ARFGEF1: variants seen among roughly 807,000 people sequenced by gnomAD.
The protein encoded by ARFGEF1 is brefeldin A-inhibited guanine nucleotide-exchange protein 1.
A neutral mutation model predicts 231.0 loss-of-function variants in ARFGEF1; 42 were observed. The observed-to-expected ratio is 0.18, with a 90% CI of 0.14 to 0.24. The LOEUF is 0.24. Among genes scored for constraint, ARFGEF1 ranks in the 10% least tolerant of loss-of-function variants. The probability of loss-of-function intolerance (pLI) is 1.00; values close to 1 mark genes in which losing one functional copy is unlikely to be tolerated. For missense variants in ARFGEF1, 1,345 were observed against 2,192.0 expected, an observed-to-expected ratio of 0.61 and a Z score of 7.72; for synonymous variants, 710 against 732.3, an observed-to-expected ratio of 0.97 and a Z score of 0.49.
intron 1 of ARFGEF1, among the ~76,000 whole-genome samples, chr8:67,306,994 G>A (rs1045658443): frequency 2.0e-5 from 3 of 152,192 alleles, no homozygotes; most frequent in Non-Finnish European, 4.4e-5. Flanking sequence ...GGCCAGGCTG[G>A]TCTCGAACTC....
intron 22 of ARFGEF1, among the ~76,000 whole-genome samples, chr8:67,235,927 G>A (rs1839717318): frequency 6.6e-6 from 1 of 151,834 alleles, no homozygotes; most frequent in African/African-American, 2.4e-5. Context: ...CTATCAGTCA[G>A]AAAGTATGAT....
At chr8:67,339,713 G>T (rs1381074366) in intron 1 of ARFGEF1, among the ~76,000 whole-genome samples, 1 of 137,846 alleles carries the variant, frequency 7.3e-6, no homozygotes, top group Non-Finnish European at 1.5e-5. Flanking sequence ...CTGTAGTAGG[G>T]CAGGTACCAA....
intron 1 of ARFGEF1, among the ~76,000 whole-genome samples, chr8:67,324,799 G>T (rs189795198): frequency 7.8e-4 from 119 of 152,022 alleles, no homozygotes; most frequent in Middle Eastern, 3.4e-3. Flanking sequence ...AAATAGTGAA[G>T]ACTAAAAAGT....
chr8:67,225,302 T>C (rs1481014693), intron 28 of ARFGEF1, among the ~76,000 whole-genome samples: 1 of 152,188 alleles, frequency 6.6e-6, no homozygotes. Context: ...TCTGCATTAT[T>C]AGCCAGGTTA....
chr8:67,236,035 C>G (rs1185196493), intron 22 of ARFGEF1, among the ~76,000 whole-genome samples: 1 of 151,864 alleles, frequency 6.6e-6, no homozygotes, highest in Non-Finnish European at 1.5e-5. Flanking sequence ...TAGCTCACAC[C>G]TGTAATCCCA....
intron 5 of ARFGEF1, among the ~76,000 whole-genome samples, chr8:67,178,070 G>T (rs1456462930): frequency 6.6e-6 from 1 of 152,140 alleles, no homozygotes; most frequent in African/African-American, 2.4e-5. Context: ...TTAGAGACAG[G>T]CCTGGCATAT....
At chr8:67,212,009 A>C (rs1374906961) in intron 33 of ARFGEF1, among the ~76,000 whole-genome samples, 7 of 152,192 alleles carry the variant, frequency 4.6e-5, no homozygotes, top group African/African-American at 1.7e-4. Context: ...ACTATCTAGG[A>C]GTGTCGTATC....
downstream of ARFGEF1, chr8:67,196,240 AAATT>A (rs1220907003): frequency 2.0e-5 from 3 of 152,210 alleles, no homozygotes; most frequent in East Asian, 3.8e-4. Context: ...TGATATAAAT[AAATT>A]TTTATTTTAA....
chr8:67,289,760 A>G (rs1463379235), intron 6 of ARFGEF1, among the ~76,000 whole-genome samples: 2 of 152,152 alleles, frequency 1.3e-5, no homozygotes, highest in Non-Finnish European at 2.9e-5. Flanking sequence ...ATCCAAATAA[A>G]AATAGCATTT....
chr8:67,220,243 C>A (rs1404753646), intron 29 of ARFGEF1, among the ~76,000 whole-genome samples: 1 of 152,204 alleles, frequency 6.6e-6, no homozygotes, highest in Non-Finnish European at 1.5e-5. Flanking sequence ...CTTACTGTTT[C>A]TTGAAATAAT....
intron 1 of ARFGEF1, among the ~76,000 whole-genome samples, chr8:67,302,908 A>AT (rs1390973503): frequency 1.5e-5 from 1 of 65,262 alleles, no homozygotes; most frequent in Non-Finnish European, 3.0e-5. Flanking sequence ...CCATCTCTTA[A>AT]AAAAAAAAAA....
At chr8:67,178,631 G>T (rs1586775580) in intron 5 of ARFGEF1, among the ~76,000 whole-genome samples, 1 of 152,192 alleles carries the variant, frequency 6.6e-6, no homozygotes, top group African/African-American at 2.4e-5. Context: ...GGCTCACTGG[G>T]TAGGCAACAT....
chr8:67,299,754 T>C (rs527531676), intron 3 of ARFGEF1, among the ~76,000 whole-genome samples: 2 of 152,120 alleles, frequency 1.3e-5, no homozygotes, highest in African/African-American at 2.4e-5. Context: ...GTGGACTGCT[T>C]GAGCTTAGGA....
intron 1 of ARFGEF1, among the ~76,000 whole-genome samples, chr8:67,319,857 G>GA: frequency 6.6e-6 from 1 of 152,008 alleles, no homozygotes; most frequent in Non-Finnish European, 1.5e-5. Flanking sequence ...AAAAAACAAC[G>GA]AAATTTTTTA....
chr8:67,336,871 C>T (rs1808365949), intron 1 of ARFGEF1, among the ~76,000 whole-genome samples: 1 of 152,176 alleles, frequency 6.6e-6, no homozygotes, highest in African/African-American at 2.4e-5. Context: ...TGGCTCACGC[C>T]TGTAATCCCA....
At chr8:67,272,924 A>G (rs1006594846) in intron 9 of ARFGEF1, among the ~76,000 whole-genome samples, 4 of 152,130 alleles carry the variant, frequency 2.6e-5, no homozygotes, top group East Asian at 1.9e-4. Flanking sequence ...CCTGGCCAAC[A>G]TGGTGAAACC....
At chr8:67,222,333 T>C (rs1461461679) in intron 29 of ARFGEF1, among the ~76,000 whole-genome samples, 1 of 150,512 alleles carries the variant, frequency 6.6e-6, no homozygotes, top group African/African-American at 2.4e-5. Context: ...TGGTGCCATC[T>C]TGGCTCACTG....
At chr8:67,306,491 A>G (rs1388665908) in intron 1 of ARFGEF1, among the ~76,000 whole-genome samples, 5 of 152,148 alleles carry the variant, frequency 3.3e-5, no homozygotes, top group Non-Finnish European at 7.4e-5. Context: ...GTTATACCTG[A>G]TCTCCTAAGT....
chr8:67,275,884 A>C, intron 9 of ARFGEF1, 92 bp downstream of exon 9: 6 of 1,512,842 alleles, frequency 4.0e-6, no homozygotes, highest in Non-Finnish European at 5.4e-6. Flanking sequence ...TCTATAGGAC[A>C]AAAAGAACAA....
Sources: gnomAD v4.1 joint callset for allele counts (sites outside exome capture counted in the v4.1 genomes callset) on GRCh38, gnomAD v4.1.1 for gene constraint, MANE v1.5 for transcripts, NCBI Gene and HGNC (gene_info 2026-07-23, HGNC 2026-07-21) for gene names.